Variants in MCM10 observed in about 807,000 individuals in gnomAD.
The protein encoded by MCM10 is minichromosome maintenance 10 replication initiation factor.
Under a neutral mutation model 109.9 loss-of-function variants are expected in MCM10, and 91 were observed. That is an observed-to-expected ratio of 0.83 (90% confidence interval 0.70 to 0.99). The LOEUF is 0.99. Among genes scored for constraint, MCM10 ranks in the 50% least tolerant of loss-of-function variants. The pLI is 0.00. For synonymous variants in MCM10, 380 were observed against 387.2 expected (o/e 0.98, Z 0.22); for missense variants, 1,077 against 1,061.2 (o/e 1.01, Z -0.21).
Position 13,192,262 on chromosome 10 carries a change from C to G in MCM10, c.1524C>G (p.Pro508=). 1 of 1,611,874 alleles carries G rather than the reference C, an allele frequency of 6.2e-7. No homozygotes were observed. The part of the protein sequence containing the change: ...IQETRQKLGI[P]QKSLSCSEEF... ...GGTGTTGACCTGGCACAGGAATACC[C>G]CAGAAGAGCCTGTCTTGCTCTGAGG... The change falls in exon 12 of 20, where the codon CCC becomes CCG. Residue 508 remains proline, a synonymous_variant. Transcript: ENST00000378714.
At chr10:13,187,184 C>T (rs978608631) in intron 9 of MCM10, among the ~76,000 whole-genome samples, 2 of 152,210 alleles carry the variant, frequency 1.3e-5, no homozygotes, top group East Asian at 1.9e-4. Context: ...CTTTCTGTCT[C>T]TATGGATTTG....
chr10:13,190,694 A>G (rs964671276), intron 10 of MCM10, among the ~76,000 whole-genome samples: 30 of 152,130 alleles, frequency 2.0e-4, no homozygotes, highest in African/African-American at 7.0e-4. Context: ...TCAAAAAAAA[A>G]ACCCCAAACT....
Position 13,192,581 on chromosome 10 carries a change from G to T in MCM10, c.1745+13G>T, listed in dbSNP as rs1413421688. ...AAATACAGAAGCGGTAAGAGGAGCA[G>T]ATTTAATATTCCCCGCTTGGGTCAT... On this transcript the variant is annotated intron_variant, in intron 13 of 19. Coordinates refer to ENST00000378714, the MANE Select transcript of MCM10 (RefSeq NM_018518.5). 5 of 1,609,616 alleles carry T rather than the reference G, an allele frequency of 3.1e-6. No individual in the cohort carries two copies. The highest frequency in any genetic ancestry group is 3.3e-5 in the Admixed American group (2 of 60,004).
Position 13,168,158 on chromosome 10 carries a change from A to C in MCM10, c.8-2764A>C, listed in dbSNP as rs147510084. On this transcript the variant is annotated intron_variant, in intron 2 of 19. Transcript: ENST00000378714. Reference sequence around the variant, plus strand: ...TCCCGGGGTGTGCCCTCTTTGGCAGACGGGAACAAGAGATGGTGGAGGCCT... The same window carrying C: ...TCCCGGGGTGTGCCCTCTTTGGCAGCCGGGAACAAGAGATGGTGGAGGCCT... 6.2e-3 allele frequency among the ~76,000 whole-genome samples: 945 copies of C among 152,324 alleles called. 5 individuals carry two copies. The highest frequency in any genetic ancestry group is 9.5e-3 in the Non-Finnish European group (649 of 68,030).
At chr10:13,166,912 G>A (rs74701710) in intron 2 of MCM10, among the ~76,000 whole-genome samples, 6,364 of 151,996 alleles carry the variant, frequency 0.042, 180 homozygotes, top group Admixed American at 0.076. Flanking sequence ...GCCAAGGCAG[G>A]AGCATCGCTT....
intron 5 of MCM10, 138 bp from the exon 6 acceptor site, chr10:13,175,372 C>A: frequency 1.5e-6 from 1 of 656,480 alleles, no homozygotes; most frequent in Non-Finnish European, 2.7e-6. Flanking sequence ...GATCCCAGAT[C>A]ACGCCACCAT....
chr10:13,177,508 C>CT (rs60316855), intron 6 of MCM10, among the ~76,000 whole-genome samples: 22,680 of 102,422 alleles, frequency 0.22, 2,758 homozygotes, highest in Non-Finnish European at 0.27. Flanking sequence ...GATTTTGGAG[C>CT]TTTTTTTTTT....
rs753688046 is a variant in MCM10, at chr10:13,172,360, T to C, written c.350-16T>C. On this transcript the variant is annotated splice_polypyrimidine_tract_variant and intron_variant, in intron 3 of 19. Coordinates refer to ENST00000378714, the MANE Select transcript of MCM10 (RefSeq NM_018518.5). This position sits in a 1 kb window ranked among gnomAD's most constrained non-coding sequence, Gnocchi z 5.2. ...CTCCTGCCTGGTTCTTAAATTAACA[T>C]ATTTTCATTTCCTAGAGGAATTAAG... The C allele has an allele frequency of 1.3e-5, 21 of 1,586,516 alleles. No homozygotes were observed. Among genetic ancestry groups the C allele is most frequent in the Non-Finnish European group, 1.6e-5 (19 of 1,160,174 alleles).
At chr10:13,163,994 G>A (rs368756162) in intron 1 of MCM10, 134 bp from the exon 2 acceptor site, 40 of 385,200 alleles carry the variant, frequency 1.0e-4, no homozygotes, top group East Asian at 5.8e-4. Flanking sequence ...GAGAGGAGGT[G>A]AGAAATGGTC....
intron 2 of MCM10, among the ~76,000 whole-genome samples, chr10:13,165,961 G>C (rs980990736): frequency 6.6e-6 from 1 of 151,822 alleles, no homozygotes; most frequent in Non-Finnish European, 1.5e-5. Flanking sequence ...CAATTTGGCC[G>C]GTGTAGAGGA....
chr10:13,203,400 C>T (rs1834526206), intron 17 of MCM10, among the ~76,000 whole-genome samples: 1 of 152,162 alleles, frequency 6.6e-6, no homozygotes, highest in Non-Finnish European at 1.5e-5. Flanking sequence ...TTGGGCCCAC[C>T]CAGATCATCT....
Position 13,209,527 on chromosome 10 carries a change from T to C in MCM10, c.*217T>C. 1.7e-6 allele frequency: 1 copy of C among 583,458 alleles called. No individual in the cohort carries two copies. Among genetic ancestry groups the C allele is most frequent in the Non-Finnish European group, 3.1e-6 (1 of 327,570 alleles). 36.1% of individuals were successfully genotyped at this position (583,458 alleles called of 1,614,324 possible). A position where few individuals can be genotyped will look rare whatever the true frequency, so the allele number is the denominator to read the frequency against. ...AGTGGAAAACCAAGTTATCATTGTC[T>C]TTTCTAAGCTCAGTGTGGATGATTG... On this transcript the variant is annotated 3_prime_UTR_variant, in exon 20 of 20. Coordinates refer to ENST00000378714, the MANE Select transcript of MCM10 (RefSeq NM_018518.5).
At chr10:13,195,499 A>G (rs1834405587) in intron 14 of MCM10, 1 of 371,540 alleles carries the variant, frequency 2.7e-6, no homozygotes, top group African/African-American at 2.1e-5. Flanking sequence ...TTTTATAACC[A>G]GAGGCATTGA....
chr10:13,172,258 A>G lies in MCM10; in HGVS notation c.350-118A>G, dbSNP rs577991005. The G allele has an allele frequency of 5.7e-6, 4 of 707,400 alleles. No individual in the cohort carries two copies. In the East Asian group the frequency reaches 9.9e-5, roughly 17 times the overall value. 43.8% of individuals were successfully genotyped at this position (707,400 alleles called of 1,614,324 possible). ...TCATGAGCTTTGGGTATGTGATTAT[A>G]TTGTGGGTCTCAAGGTATTGGGGCA... On this transcript the variant is annotated intron_variant, in intron 3 of 19. Transcript: ENST00000378714. This position sits in a 1 kb window ranked among gnomAD's most constrained non-coding sequence, Gnocchi z 5.2.
intron 2 of MCM10, among the ~76,000 whole-genome samples, chr10:13,168,540 TA>T (rs1834031475): frequency 4.0e-5 from 2 of 50,456 alleles, no homozygotes; most frequent in Non-Finnish European, 1.5e-4. Flanking sequence ...GTAGGTCAGA[TA>T]TCCTTAATAT....
chr10:13,209,614 C>G lies in MCM10; in HGVS notation c.*304C>G, dbSNP rs1834631853. On this transcript the variant is annotated 3_prime_UTR_variant, in exon 20 of 20. Coordinates refer to ENST00000378714, the MANE Select transcript of MCM10 (RefSeq NM_018518.5). ...GGAAGGTAAACAGAGAGCTATGTTTCTGTATCTTTTGGTTATAGAGTGTTC... is the reference window on the plus strand; with the variant it reads ...GGAAGGTAAACAGAGAGCTATGTTTGTGTATCTTTTGGTTATAGAGTGTTC... 1.2e-5 allele frequency: 5 copies of G among 413,108 alleles called. No individual in the cohort carries two copies. The highest frequency in any genetic ancestry group is 1.2e-4 in the South Asian group (4 of 34,744). 25.6% of individuals were successfully genotyped at this position (413,108 alleles called of 1,614,324 possible). A position where few individuals can be genotyped will look rare whatever the true frequency, so the allele number is the denominator to read the frequency against.
In MCM10 at chr10:13,180,511, G is replaced by C. The variant is rs545054708; in HGVS notation, c.834G>C (p.Gln278His). ...GCCGAAAACTGATCAGACTGTCTCAGATCAAGGAAAAGATGGCCAGAGAGA... is the reference window on the plus strand; with the variant it reads ...GCCGAAAACTGATCAGACTGTCTCACATCAAGGAAAAGATGGCCAGAGAGA... ...MTGRKLIRLS[Q>H]IKEKMAREKL... is the part of the protein sequence containing the mutation. The change falls in exon 7 of 20, where the codon CAG becomes CAC. Residue 278 changes from glutamine to histidine, a missense_variant. Gln to His is a conservative substitution (Grantham distance 24). Coordinates refer to ENST00000378714, the MANE Select transcript of MCM10 (RefSeq NM_018518.5). The C allele has an allele frequency of 3.7e-6, 6 of 1,614,142 alleles. No individual in the cohort carries two copies. The East Asian group carries it at 6.7e-5, about 18-fold the overall frequency.
chr10:13,172,860 C>G lies in MCM10; in HGVS notation c.592+95C>G. 1.6e-6 allele frequency: 2 copies of G among 1,220,300 alleles called. No individual in the cohort carries two copies. Among genetic ancestry groups the G allele is most frequent in the Non-Finnish European group, 2.3e-6 (2 of 861,996 alleles). The allele number at this position is 1,220,300 out of a possible 1,614,324, so 75.6% of individuals were successfully genotyped here. ...TGTGTGGGTGTCTGTGTCTTTTGGT[C>G]TGTCTTATGTCCCCATTGAGAAAGA... On this transcript the variant is annotated intron_variant, in intron 5 of 19. Coordinates refer to ENST00000378714, the MANE Select transcript of MCM10 (RefSeq NM_018518.5). This position sits in a 1 kb window ranked among gnomAD's most constrained non-coding sequence, Gnocchi z 5.2.
At chr10:13,197,232 T>C (rs1219793850) in intron 14 of MCM10, among the ~76,000 whole-genome samples, 1 of 152,198 alleles carries the variant, frequency 6.6e-6, no homozygotes, top group African/African-American at 2.4e-5. Context: ...ATTTCCATTT[T>C]ATACTTGAAA....
Sources: gnomAD v4.1 joint callset for allele counts (sites outside exome capture counted in the v4.1 genomes callset) on GRCh38, gnomAD v4.1.1 for gene constraint, Gnocchi (gnomAD v3.1) non-coding constraint, MANE v1.5 for transcripts, NCBI Gene and HGNC (gene_info 2026-07-23, HGNC 2026-07-21) for gene names.